PRDM11: variants seen among roughly 807,000 people sequenced by gnomAD.
PRDM11 encodes the protein PR domain-containing protein 11.
In PRDM11, 20 loss-of-function variants were observed where a neutral mutation model predicts 97.8. The observed-to-expected ratio is 0.20, with a 90% CI of 0.14 to 0.30. The LOEUF (loss-of-function observed/expected upper bound fraction) is 0.30, where lower values mean the gene tolerates loss of function less well. Among genes scored for constraint, PRDM11 ranks in the 10% least tolerant of loss-of-function variants. The pLI, the probability that PRDM11 is intolerant of heterozygous loss-of-function variation, is 1.00. For synonymous variants in PRDM11, 599 were observed against 637.7 expected (o/e 0.94, Z 0.91); for missense variants, 1,139 against 1,555.2 (o/e 0.73, Z 4.50).
At chr11:45,174,584 A>C (rs541006069) in intron 1 of PRDM11, among the ~76,000 whole-genome samples, 1 of 152,320 alleles carries the variant, frequency 6.6e-6, no homozygotes, top group African/African-American at 2.4e-5. Context: ...ATCAAGCGCC[A>C]CTTGTGTGCC....
intron 5 of PRDM11, among the ~76,000 whole-genome samples, chr11:45,209,652 G>A (rs1173484215): frequency 1.3e-5 from 2 of 152,296 alleles, no homozygotes; most frequent in African/African-American, 4.8e-5. Context: ...AGGAGTCCAG[G>A]AGGTCCCGAG....
chr11:45,125,083 G>C (rs538565981), intron 1 of PRDM11, among the ~76,000 whole-genome samples: 8 of 152,014 alleles, frequency 5.3e-5, no homozygotes, highest in Admixed American at 5.2e-4. Flanking sequence ...TGTATGTGTT[G>C]AGGAATTTAT....
chr11:45,172,840 A>G (rs1852233627), intron 1 of PRDM11, among the ~76,000 whole-genome samples: 1 of 152,232 alleles, frequency 6.6e-6, no homozygotes, highest in South Asian at 2.1e-4. Context: ...TCCTGGAACC[A>G]ATTCCCCTCA....
chr11:45,100,344 G>GA (rs1851951898), intron 1 of PRDM11, among the ~76,000 whole-genome samples: 2 of 152,212 alleles, frequency 1.3e-5, no homozygotes, highest in South Asian at 4.1e-4. Flanking sequence ...CACCCCAGGA[G>GA]AAAAAAATAG....
intron 5 of PRDM11, among the ~76,000 whole-genome samples, chr11:45,209,919 C>T (rs886577212): frequency 6.6e-6 from 1 of 152,280 alleles, no homozygotes; most frequent in South Asian, 2.1e-4. Flanking sequence ...AAGAGTTAAC[C>T]AGGCCAGGCA....
intron 3 of PRDM11, among the ~76,000 whole-genome samples, 153 bp downstream of exon 3, chr11:45,182,502 A>G (rs1434477447): frequency 6.6e-6 from 1 of 152,090 alleles, no homozygotes; most frequent in Admixed American, 6.5e-5. Flanking sequence ...ATCATTAGCC[A>G]TCCAAATGGC....
At chr11:45,149,626 C>G (rs543521984) in intron 1 of PRDM11, among the ~76,000 whole-genome samples, 1 of 152,364 alleles carries the variant, frequency 6.6e-6, no homozygotes, top group Admixed American at 6.5e-5. Context: ...ATTCACGTCA[C>G]TTCTGGGCCA....
chr11:45,107,075 C>G (rs1852074453), intron 1 of PRDM11, among the ~76,000 whole-genome samples: 1 of 152,180 alleles, frequency 6.6e-6, no homozygotes, highest in Non-Finnish European at 1.5e-5. Flanking sequence ...CTGGGCTTCA[C>G]AGGTCAGTAT....
intron 1 of PRDM11, among the ~76,000 whole-genome samples, chr11:45,114,445 A>G (rs1424708182): frequency 6.6e-6 from 1 of 152,192 alleles, no homozygotes; most frequent in African/African-American, 2.4e-5. Flanking sequence ...AGAAATCTGT[A>G]AGATAATATT....
intron 1 of PRDM11, among the ~76,000 whole-genome samples, chr11:45,134,911 A>C (rs989412424): frequency 6.6e-6 from 1 of 152,150 alleles, no homozygotes; most frequent in African/African-American, 2.4e-5. Context: ...ATTGCAGAGC[A>C]ATAATCATTA....
chr11:45,138,022 G>T (rs1852909670), intron 1 of PRDM11, among the ~76,000 whole-genome samples: 1 of 152,138 alleles, frequency 6.6e-6, no homozygotes, highest in Non-Finnish European at 1.5e-5. Flanking sequence ...ACCACACGGG[G>T]AAAACACAGC....
chr11:45,123,388 T>C (rs1177902807), intron 1 of PRDM11, among the ~76,000 whole-genome samples: 1 of 152,014 alleles, frequency 6.6e-6, no homozygotes, highest in African/African-American at 2.4e-5. Context: ...TTGCCATTGC[T>C]TTTGGTGTTT....
At chr11:45,182,136 C>G in intron 2 of PRDM11, 110 bp from the exon 3 acceptor site, 1 of 953,946 alleles carries the variant, frequency 1.0e-6, no homozygotes, top group Non-Finnish European at 1.6e-6. Context: ...ACTCCTCTGC[C>G]CACCCCACAT....
rs1164421551 is a variant in PRDM11, at chr11:45,219,270, G to A, written c.555-300G>A. On this transcript the variant is annotated intron_variant, in intron 5 of 7. Transcript: ENST00000683152. The surrounding 1 kb of genome is among the most constrained non-coding windows in gnomAD (Gnocchi z 4.2). ...TTTCAATCACTTATAATATTTAGTT[G>A]ATATATTTTCCATATGGTGTGAGGC... is the stretch of plus-strand genomic sequence containing the variant. Among the ~76,000 whole-genome samples the A allele has an allele frequency of 6.6e-6, 1 of 152,144 alleles. No individual in the cohort carries two copies. The highest frequency in any genetic ancestry group is 1.5e-5 in the Non-Finnish European group (1 of 68,018).
intron 1 of PRDM11, among the ~76,000 whole-genome samples, chr11:45,172,034 G>T (rs1312951884): frequency 6.6e-6 from 1 of 152,204 alleles, no homozygotes; most frequent in African/African-American, 2.4e-5. Flanking sequence ...TTGTACCTCT[G>T]ACCAACATAA....
rs1182371686 is a variant in PRDM11, at chr11:45,224,605, A to G, written c.1131A>G (p.Gln377=). The change falls in exon 7 of 8, where the codon CAA becomes CAG. Residue 377 remains glutamine (Q), a synonymous_variant. Transcript: ENST00000683152. ...AGGGGGTCTCCAAGGAGCCAGGCCA[A>G]TTGGAGGATGAAGAAGAGGAGCCTT... ...VPQGVSKEPG[Q]LEDEEEEPSS... is the part of the protein sequence containing the mutation. 6 of 1,614,156 alleles carry G rather than the reference A, an allele frequency of 3.7e-6. No homozygotes were observed. Among genetic ancestry groups the G allele is most frequent in the East Asian group, 2.2e-5 (1 of 44,870 alleles).
At chr11:45,152,182 C>T (rs1851675092) in intron 1 of PRDM11, among the ~76,000 whole-genome samples, 1 of 152,184 alleles carries the variant, frequency 6.6e-6, no homozygotes, top group Non-Finnish European at 1.5e-5. Flanking sequence ...ATTCTCCTGC[C>T]TCAGCCCCCG....
chr11:45,136,152 C>CT (rs1852838340), intron 1 of PRDM11, among the ~76,000 whole-genome samples: 1 of 152,276 alleles, frequency 6.6e-6, no homozygotes, highest in Non-Finnish European at 1.5e-5. Context: ...TTTGTAATAG[C>CT]TTTGCCATTT....
chr11:45,131,736 G>A (rs1433572743), intron 1 of PRDM11, among the ~76,000 whole-genome samples: 7 of 152,168 alleles, frequency 4.6e-5, no homozygotes, highest in Admixed American at 4.6e-4. Flanking sequence ...AATAATACAA[G>A]CAATATGATC....
Sources: gnomAD v4.1 joint callset for allele counts (sites outside exome capture counted in the v4.1 genomes callset) on GRCh38, gnomAD v4.1.1 for gene constraint, Gnocchi (gnomAD v3.1) non-coding constraint, MANE v1.5 for transcripts, NCBI Gene and HGNC (gene_info 2026-07-23, HGNC 2026-07-21) for gene names.